Variants in NUTF2 observed in about 807,000 individuals in gnomAD.
NUTF2 encodes nuclear transport factor 2.
In NUTF2, 3 loss-of-function variants were observed where a neutral mutation model predicts 18.5. The observed-to-expected ratio is 0.16, with a 90% confidence interval of 0.07 to 0.42. The LOEUF (loss-of-function observed/expected upper bound fraction) is 0.42, where lower values mean the gene tolerates loss of function less well. Ranked by LOEUF, NUTF2 falls within the 10% of genes least tolerant of loss-of-function variation. The pLI, the probability that NUTF2 is intolerant of heterozygous loss-of-function variation, is 0.99. For synonymous variants in NUTF2, 51 were observed against 57.9 expected (o/e 0.88, Z 0.54); for missense variants, 44 against 160.7 (o/e 0.27, Z 3.93).
At chr16:67,865,779 C>T (rs1221425861) in intron 2 of NUTF2, among the ~76,000 whole-genome samples, 2 of 147,492 alleles carry the variant, frequency 1.4e-5, no homozygotes, top group Non-Finnish European at 3.0e-5. Flanking sequence ...AGTGCAATGG[C>T]TCGATCTCAG....
chr16:67,851,689 G>A (rs536396132), intron 1 of NUTF2, among the ~76,000 whole-genome samples: 2 of 151,914 alleles, frequency 1.3e-5, no homozygotes, highest in South Asian at 4.2e-4. Context: ...CCCGGTGTGT[G>A]ATGTTTCCAC....
At chr16:67,850,441 C>T (rs1173289468) in intron 1 of NUTF2, among the ~76,000 whole-genome samples, 3 of 151,654 alleles carry the variant, frequency 2.0e-5, no homozygotes, top group African/African-American at 4.8e-5. Flanking sequence ...CTCCTGACCT[C>T]GTGATCCACC....
rs1450837922 is a variant in NUTF2, at chr16:67,848,741, C to CA, written c.-30+1765dup. Among the ~76,000 whole-genome samples the CA allele has an allele frequency of 1.3e-3, 149 of 114,832 alleles. 1 individual carries two copies. Among genetic ancestry groups the CA allele is most frequent in the Admixed American group, 3.4e-3 (35 of 10,256 alleles). The allele number at this position is 114,832 out of a possible 152,430, so 75.3% of individuals were successfully genotyped here. A position where few individuals can be genotyped will look rare whatever the true frequency, so the allele number is the denominator to read the frequency against. On this transcript the variant is annotated intron_variant, in intron 1 of 4. Coordinates refer to ENST00000219169, the MANE Select transcript of NUTF2 (RefSeq NM_005796.3). ...TGGGCGACAGAGCAAGACTCTGTCT[C>CA]AAAAAAAAAGAAAAAGAAAAAAAAA...
intron 1 of NUTF2, among the ~76,000 whole-genome samples, chr16:67,863,314 T>G (rs1017261850): frequency 6.6e-6 from 1 of 152,194 alleles, no homozygotes; most frequent in Admixed American, 6.5e-5. Context: ...CCTGGACATT[T>G]CTTAGTCATC....
At chr16:67,853,932 C>T (rs2057877737) in intron 1 of NUTF2, among the ~76,000 whole-genome samples, 1 of 152,134 alleles carries the variant, frequency 6.6e-6, no homozygotes, top group African/African-American at 2.4e-5. Context: ...TAGGGAACAG[C>T]CACCACGCCT....
At chr16:67,863,311 A>G (rs117006835) in intron 1 of NUTF2, among the ~76,000 whole-genome samples, 1 of 152,196 alleles carries the variant, frequency 6.6e-6, no homozygotes, top group East Asian at 1.9e-4. Flanking sequence ...TTTCCTGGAC[A>G]TTTCTTAGTC....
At chr16:67,865,292 G>A (rs2057962861) in intron 2 of NUTF2, 63 bp downstream of exon 2, 1 of 1,198,154 alleles carries the variant, frequency 8.3e-7, no homozygotes, top group Non-Finnish European at 1.2e-6. Context: ...TTGGGCCAGT[G>A]TGTCCAGTTC....
At position 67,865,148 on chromosome 16, in the gene NUTF2, T is replaced by C. The variant is rs1291089712; in HGVS notation, c.18T>C (p.Ile6=). 2 of 1,612,220 alleles carry C rather than the reference T, an allele frequency of 1.2e-6. No individual in the cohort carries two copies. The highest frequency in any genetic ancestry group is 1.7e-6 in the Non-Finnish European group (2 of 1,179,510). ...GCTCCAGAATGGGAGACAAGCCAAT[T>C]TGGGAGCAGATTGGATCCAGCTTCA... The part of the protein sequence containing the change: MGDKP[I]WEQIGSSFIQ... The change falls in exon 2 of 5, where the codon ATT becomes ATC. Residue 6 remains isoleucine (I), a synonymous_variant. Coordinates refer to ENST00000219169, the MANE Select transcript of NUTF2 (RefSeq NM_005796.3).
chr16:67,850,925 C>G (rs1299511514), intron 1 of NUTF2, among the ~76,000 whole-genome samples: 2 of 151,968 alleles, frequency 1.3e-5, no homozygotes, highest in African/African-American at 2.4e-5. Flanking sequence ...CTCAGCCACC[C>G]GAGTAGCTGA....
intron 1 of NUTF2, among the ~76,000 whole-genome samples, chr16:67,860,326 T>C (rs2057927031): frequency 6.6e-6 from 1 of 151,982 alleles, no homozygotes; most frequent in Admixed American, 6.6e-5. Flanking sequence ...TCAGGGTGGA[T>C]TGCAGTGGTA....
chr16:67,862,724 C>T (rs191564929), intron 1 of NUTF2, among the ~76,000 whole-genome samples: 6 of 152,206 alleles, frequency 3.9e-5, no homozygotes, highest in Admixed American at 3.3e-4. Flanking sequence ...AGTCTCAGCT[C>T]CTTGGGAGGT....
intron 1 of NUTF2, among the ~76,000 whole-genome samples, chr16:67,857,794 G>T (rs2151296859): frequency 6.6e-6 from 1 of 152,366 alleles, no homozygotes; most frequent in East Asian, 1.9e-4. Flanking sequence ...TTGGGGCCAA[G>T]CCCCAATTGC....
intron 1 of NUTF2, 114 bp downstream of exon 1, chr16:67,847,099 C>T (rs1053942297): frequency 6.7e-6 from 1 of 148,954 alleles, no homozygotes; most frequent in Admixed American, 6.6e-5. Context: ...CCCCCCCCCC[C>T]GGCGGCCCGA....
chr16:67,857,538 CCTT>C (rs2151296766), intron 1 of NUTF2, among the ~76,000 whole-genome samples: 1 of 152,286 alleles, frequency 6.6e-6, no homozygotes, highest in Admixed American at 6.5e-5. Flanking sequence ...GAGATACCTA[CCTT>C]CTTCCTAGCT....
chr16:67,863,305 C>T (rs1202201945), intron 1 of NUTF2, among the ~76,000 whole-genome samples: 1 of 152,144 alleles, frequency 6.6e-6, no homozygotes, highest in Non-Finnish European at 1.5e-5. Context: ...TTAGATTTTC[C>T]TGGACATTTC....
intron 2 of NUTF2, among the ~76,000 whole-genome samples, chr16:67,866,828 C>T (rs2057975674): frequency 6.6e-6 from 1 of 151,602 alleles, no homozygotes; most frequent in South Asian, 2.1e-4. Context: ...GGCTAGTCTC[C>T]AACTCCTGAC....
chr16:67,852,632 A>G (rs779070768), intron 1 of NUTF2, among the ~76,000 whole-genome samples: 1 of 151,968 alleles, frequency 6.6e-6, no homozygotes, highest in South Asian at 2.1e-4. Context: ...TGCTGGGATT[A>G]TAAGCTTGAG....
At chr16:67,847,432 C>G (rs879628168) in intron 1 of NUTF2, 2 of 152,326 alleles carry the variant, frequency 1.3e-5, no homozygotes, top group East Asian at 3.9e-4. Context: ...GCAGCGCCAC[C>G]CGGCCCGCTC....
chr16:67,867,742 A>G (rs2057983032), intron 2 of NUTF2, among the ~76,000 whole-genome samples: 1 of 152,106 alleles, frequency 6.6e-6, no homozygotes, highest in South Asian at 2.1e-4. Flanking sequence ...GCTGGAGTGC[A>G]GTGGTGCGAT....
Sources: gnomAD v4.1 joint callset for allele counts (sites outside exome capture counted in the v4.1 genomes callset) on GRCh38, gnomAD v4.1.1 for gene constraint, MANE v1.5 for transcripts, NCBI Gene and HGNC (gene_info 2026-07-23, HGNC 2026-07-21) for gene names.